The following CFAP61 variants were observed in gnomAD, a reference collection of about 807,000 sequenced individuals.
CFAP61 encodes the protein cilia and flagella associated protein 61, also known as cilia- and flagella-associated protein 61.
In CFAP61, 107 loss-of-function variants were observed where a neutral mutation model predicts 135.6. That is an observed-to-expected ratio of 0.79 (90% CI 0.67 to 0.93). The LOEUF (loss-of-function observed/expected upper bound fraction) is 0.93, where lower values mean the gene tolerates loss of function less well. Among genes scored for constraint, CFAP61 ranks in the 40% least tolerant of loss-of-function variants. CFAP61 has a pLI of 0.00. For synonymous variants in CFAP61, 575 were observed against 578.5 expected, an observed-to-expected ratio of 0.99 and a Z score of 0.09; for missense variants, 1,507 against 1,556.2, an observed-to-expected ratio of 0.97 and a Z score of 0.53.
At chr20:20,210,395 C>T (rs1196901784) in intron 17 of CFAP61, among the ~76,000 whole-genome samples, 1 of 152,218 alleles carries the variant, frequency 6.6e-6, no homozygotes, top group Non-Finnish European at 1.5e-5. Context: ...AACAGTCAGG[C>T]TTTTCAGACT....
intron 26 of CFAP61, among the ~76,000 whole-genome samples, chr20:20,343,593 GT>G (rs1337233141): frequency 2.6e-5 from 4 of 152,168 alleles, no homozygotes; most frequent in African/African-American, 7.2e-5. Flanking sequence ...CTGAACCCGA[GT>G]TGTAAGGCTG....
intron 8 of CFAP61, among the ~76,000 whole-genome samples, chr20:20,128,035 A>T (rs2050208104): frequency 6.6e-6 from 1 of 151,562 alleles, no homozygotes; most frequent in South Asian, 2.1e-4. Flanking sequence ...TCTCATTCCC[A>T]CTGTGCCCCA....
intron 13 of CFAP61, chr20:20,171,673 G>A: frequency 2.1e-6 from 1 of 472,564 alleles, no homozygotes; most frequent in Non-Finnish European, 3.8e-6. Context: ...ATTATGTAAT[G>A]CATTAACAAA....
intron 14 of CFAP61, among the ~76,000 whole-genome samples, chr20:20,190,518 T>C (rs113083974): frequency 2.0e-3 from 298 of 152,254 alleles, no homozygotes; most frequent in African/African-American, 7.1e-3. Context: ...AACTGTTCAA[T>C]ATTCTGACTA....
intron 25 of CFAP61, among the ~76,000 whole-genome samples, chr20:20,302,903 T>C (rs1334107573): frequency 6.6e-6 from 1 of 152,230 alleles, no homozygotes; most frequent in Non-Finnish European, 1.5e-5. Flanking sequence ...AAACCTTTTA[T>C]GTGTAAGGAT....
At chr20:20,272,812 C>T (rs2053460732) in intron 21 of CFAP61, among the ~76,000 whole-genome samples, 1 of 152,166 alleles carries the variant, frequency 6.6e-6, no homozygotes, top group African/African-American at 2.4e-5. Context: ...CTCTCCATTT[C>T]CTTCCTTCCC....
chr20:20,218,246 C>T (rs550930963), intron 17 of CFAP61, among the ~76,000 whole-genome samples: 113 of 152,244 alleles, frequency 7.4e-4, no homozygotes, highest in African/African-American at 2.5e-3. Flanking sequence ...ACTGGTCTTT[C>T]CTGTGCTATT....
chr20:20,271,875 A>C (rs1292895398), intron 21 of CFAP61, among the ~76,000 whole-genome samples: 3 of 152,180 alleles, frequency 2.0e-5, no homozygotes, highest in African/African-American at 7.2e-5. Flanking sequence ...CTGGGAAGGA[A>C]ACAGTGACTA....
intron 17 of CFAP61, 115 bp downstream of exon 17, chr20:20,200,017 G>T: frequency 8.1e-7 from 1 of 1,241,852 alleles, no homozygotes; most frequent in Non-Finnish European, 1.1e-6. Context: ...CAGGGAACCT[G>T]GTGCTCATAC....
At chr20:20,085,339 A>G in intron 6 of CFAP61, 1 of 1,247,866 alleles carries the variant, frequency 8.0e-7, no homozygotes, top group Non-Finnish European at 1.0e-6. Context: ...GCCATTTGAG[A>G]CTATGTGAGG....
At chr20:20,113,785 G>A (rs951976065) in intron 8 of CFAP61, among the ~76,000 whole-genome samples, 1 of 152,068 alleles carries the variant, frequency 6.6e-6, no homozygotes. Context: ...CAGATTAAAT[G>A]TCCATATATG....
intron 17 of CFAP61, among the ~76,000 whole-genome samples, chr20:20,203,724 G>A (rs919095990): frequency 6.6e-6 from 1 of 152,060 alleles, no homozygotes; most frequent in African/African-American, 2.4e-5. Flanking sequence ...TTTGAGGGTG[G>A]GTCTACATAC....
intron 20 of CFAP61, 73 bp downstream of exon 20, chr20:20,251,836 G>T: frequency 1.4e-5 from 20 of 1,446,378 alleles, no homozygotes; most frequent in Non-Finnish European, 1.9e-5. Flanking sequence ...TGTTTACTGG[G>T]GCACACACAC....
At chr20:20,292,159 T>C (rs1297196257) in intron 24 of CFAP61, among the ~76,000 whole-genome samples, 1 of 152,200 alleles carries the variant, frequency 6.6e-6, no homozygotes, top group Non-Finnish European at 1.5e-5. Flanking sequence ...GAACAAGTTC[T>C]TCAGCATCTG....
chr20:20,173,888 GTTC>G (rs1251990886), intron 13 of CFAP61, among the ~76,000 whole-genome samples: 1 of 152,152 alleles, frequency 6.6e-6, no homozygotes, highest in Admixed American at 6.5e-5. Flanking sequence ...TAGCGGCCTT[GTTC>G]TTAGTAGCTT....
intron 14 of CFAP61, among the ~76,000 whole-genome samples, chr20:20,190,680 G>C (rs1601297649): frequency 1.3e-5 from 2 of 152,168 alleles, no homozygotes; most frequent in South Asian, 4.2e-4. Flanking sequence ...AAGGGATACT[G>C]AACAAAGTGT....
intron 25 of CFAP61, among the ~76,000 whole-genome samples, chr20:20,339,869 A>G (rs2058368388): frequency 6.6e-6 from 1 of 152,212 alleles, no homozygotes; most frequent in South Asian, 2.1e-4. Flanking sequence ...ATTACGATCA[A>G]TTGTAAAATA....
chr20:20,305,921 G>A (rs1336794677), intron 25 of CFAP61, among the ~76,000 whole-genome samples: 6 of 152,308 alleles, frequency 3.9e-5, no homozygotes, highest in South Asian at 2.1e-4. Context: ...CAGAGGCCAC[G>A]AGGCCAAACT....
chr20:20,158,648 A>G (rs1370250454), intron 9 of CFAP61, among the ~76,000 whole-genome samples: 1 of 152,218 alleles, frequency 6.6e-6, no homozygotes, highest in African/African-American at 2.4e-5. Context: ...ATCAAAAAAG[A>G]ATAAATACTA....
Sources: gnomAD v4.1 joint callset for allele counts (sites outside exome capture counted in the v4.1 genomes callset) on GRCh38, gnomAD v4.1.1 for gene constraint, MANE v1.5 for transcripts, NCBI Gene and HGNC (gene_info 2026-07-23, HGNC 2026-07-21) for gene names.